PRRG3: variants seen among roughly 807,000 people sequenced by gnomAD.
The protein encoded by PRRG3 is proline rich and Gla domain 3.
PRRG3 carries 21 observed loss-of-function variants against 15.8 expected under a neutral mutation model. The observed-to-expected ratio is 1.33, with a 90% CI of 0.94 to 1.92. The LOEUF is 1.92. Among genes scored for constraint, PRRG3 ranks in the 40% most tolerant of loss-of-function variants. PRRG3 has a pLI of 0.00. For missense variants in PRRG3, 251 were observed against 200.2 expected, an observed-to-expected ratio of 1.25 and a Z score of -1.53; for synonymous variants, 125 against 84.1, an observed-to-expected ratio of 1.49 and a Z score of -2.66.
At chrX:151,696,664 C>G (rs2014765528) in intron 1 of PRRG3, among the ~76,000 whole-genome samples, 1 of 111,275 alleles carries the variant, frequency 9.0e-6, no homozygotes, top group Admixed American at 9.6e-5. Flanking sequence ...GCATTCTTCT[C>G]AAACCCAGAT....
rs1569423181 is a variant in PRRG3 at position 151,704,255 on chromosome X, A to G, written c.*3222A>G. 9.1e-6 allele frequency: 1 copy of G among 110,329 alleles called. No individual in the cohort carries two copies. Among genetic ancestry groups the G allele is most frequent in the Non-Finnish European group, 1.9e-5 (1 of 52,856 alleles). The allele number at this position is 110,329 out of a possible 1,213,427, so 9.1% of individuals were successfully genotyped here. ...CCTGGCTGAGGGAGACGCAGTGCTG[A>G]GCAGTCAGCCCCGGGAGGCCTCTTT... On this transcript the variant is annotated 3_prime_UTR_variant, in exon 4 of 4. Transcript: ENST00000674457.
At chrX:151,699,874 C>A in intron 2 of PRRG3, 122 bp from the exon 3 acceptor site, 1 of 717,165 alleles carries the variant, frequency 1.4e-6, no homozygotes, top group Non-Finnish European at 2.0e-6. Flanking sequence ...AGCCTGGTGT[C>A]TTGCCTGCTC....
Position 151,705,578 on chromosome X carries a change from T to A in PRRG3, c.*4545T>A. 1 of 253,750 alleles carries A rather than the reference T, an allele frequency of 3.9e-6. No individual in the cohort carries two copies. The highest frequency in any genetic ancestry group is 7.7e-6 in the Non-Finnish European group (1 of 130,426). The allele number at this position is 253,750 out of a possible 1,213,427, so 20.9% of individuals were successfully genotyped here. ...CCATCTCCCCTCATCGATACCAATT[T>A]CCCAGGCCTGAACACATCTGTTATT... On this transcript the variant is annotated 3_prime_UTR_variant, in exon 4 of 4. Transcript: ENST00000674457.
At position 151,703,856 on chromosome X, in the gene PRRG3, GGTTTTTTTTTTTTTTT is replaced by G. The variant is rs2014926946; in HGVS notation, c.*2824_*2839del. ...AAGAAATCTGAGTACTCCTGGGCAT[GGTTTTTTTTTTTTTTT>G]TTTTTTTTTTTTTTTTTTTTTTTTT... On this transcript the variant is annotated 3_prime_UTR_variant, in exon 4 of 4. Coordinates refer to ENST00000674457, the MANE Select transcript of PRRG3 (RefSeq NM_001372163.1). 2.2e-4 allele frequency: 2 copies of G among 8,957 alleles called. No homozygotes were observed. The highest frequency in any genetic ancestry group is 3.1e-4 in the African/African-American group (2 of 6,507). 0.7% of individuals were successfully genotyped at this position (8,957 alleles called of 1,213,427 possible). A position where few individuals can be genotyped will look rare whatever the true frequency, so the allele number is the denominator to read the frequency against.
At position 151,700,827 on chromosome X, in the gene PRRG3, G is replaced by T. The variant is rs1481416535; in HGVS notation, c.490G>T (p.Gly164Trp). 1.4e-5 allele frequency: 17 copies of T among 1,194,448 alleles called. No homozygotes were observed. The highest frequency in any genetic ancestry group is 5.5e-5 in the South Asian group (3 of 55,027). ...CCAGGTGGTGCTGGGGCCCAGTCGG[G>T]GGGGCAGGACCACAGTCCGGCTAGA... ...SPQVVLGPSR[G>W]GRTTVRLEST... is the part of the protein sequence containing the mutation. The change falls in exon 4 of 4, where the codon GGG becomes TGG. Residue 164 changes from glycine (G) to tryptophan (W), a missense_variant. Gly to Trp is a radical substitution (Grantham distance 184, BLOSUM62 -2). Transcript: ENST00000674457.
chrX:151,697,016 T>C (rs1234755016), intron 1 of PRRG3, among the ~76,000 whole-genome samples: 1 of 107,903 alleles, frequency 9.3e-6, no homozygotes, highest in Non-Finnish European at 1.9e-5. Context: ...TTTCTTTCTT[T>C]CTTCCTTCCT....
chrX:151,699,904 C>A (rs1163493156), intron 2 of PRRG3, 92 bp from the exon 3 acceptor site: 6 of 940,483 alleles, frequency 6.4e-6, no homozygotes, highest in African/African-American at 3.9e-5. Flanking sequence ...TGTTTCCCTG[C>A]ATAATTATGC....
At position 151,701,163 on chromosome X, in the gene PRRG3, T is replaced by G; in HGVS notation, c.*130T>G. 1.6e-6 allele frequency: 1 copy of G among 614,624 alleles called. No individual in the cohort carries two copies. The allele number at this position is 614,624 out of a possible 1,213,427, so 50.7% of individuals were successfully genotyped here. A position where few individuals can be genotyped will look rare whatever the true frequency, so the allele number is the denominator to read the frequency against. ...TTGTTGCCAAATAATTCCCTAACTGTGGAGTTTTAGGAAGTCAGTTGTCAG... is the reference window on the plus strand; with the variant it reads ...TTGTTGCCAAATAATTCCCTAACTGGGGAGTTTTAGGAAGTCAGTTGTCAG... On this transcript the variant is annotated 3_prime_UTR_variant, in exon 4 of 4. Coordinates refer to ENST00000674457, the MANE Select transcript of PRRG3 (RefSeq NM_001372163.1).
Position 151,705,134 on chromosome X carries a change from C to T in PRRG3, c.*4101C>T, listed in dbSNP as rs148849386. 196 of 277,804 alleles carry T rather than the reference C, an allele frequency of 7.1e-4. No individual in the cohort carries two copies. In the East Asian group the frequency reaches 0.017, roughly 24 times the overall value. 22.9% of individuals were successfully genotyped at this position (277,804 alleles called of 1,213,427 possible). On this transcript the variant is annotated 3_prime_UTR_variant, in exon 4 of 4. Coordinates refer to ENST00000674457, the MANE Select transcript of PRRG3 (RefSeq NM_001372163.1). ...TGTACAGGGTGATCTCTTGTTCTCT[C>T]TCCATCACAGGGATGTTGGATATTG...
chrX:151,700,088 C>A lies in PRRG3; in HGVS notation c.100C>A (p.Arg34=), dbSNP rs774255267. The change falls in exon 3 of 4, where the codon CGA becomes AGA. Residue 34 remains arginine, a synonymous_variant. Transcript: ENST00000674457. ...LEELRQGTIE[R]ECMEEICSYE... is the part of the protein sequence containing the mutation. The stretch of plus-strand genomic sequence containing the variant: ...GGAGCTGCGCCAGGGCACCATCGAG[C>A]GAGAGTGCATGGAGGAGATCTGCAG... The A allele has an allele frequency of 1.1e-4, 139 of 1,210,184 alleles. No individual in the cohort carries two copies. The highest frequency in any genetic ancestry group is 1.5e-4 in the Non-Finnish European group (134 of 895,281).
intron 1 of PRRG3, among the ~76,000 whole-genome samples, chrX:151,697,269 CCT>C (rs2014783621): frequency 3.7e-5 from 4 of 109,507 alleles, no homozygotes; most frequent in Non-Finnish European, 7.6e-5. Context: ...AAGCGATTCC[CCT>C]GTCTCAGCCT....
rs1251184674 is a variant in PRRG3 at position 151,701,244 on chromosome X, G to A, written c.*211G>A. 3.1e-6 allele frequency: 1 copy of A among 318,548 alleles called. No individual in the cohort carries two copies. Among genetic ancestry groups the A allele is most frequent in the Non-Finnish European group, 5.3e-6 (1 of 187,666 alleles). 26.3% of individuals were successfully genotyped at this position (318,548 alleles called of 1,213,427 possible). ...ACGCATGAGTCGAAGCCCCCGGGAAGAGCCAAAGGCCAAAGTGCCCAACTC... is the reference window on the plus strand; with the variant it reads ...ACGCATGAGTCGAAGCCCCCGGGAAAAGCCAAAGGCCAAAGTGCCCAACTC... On this transcript the variant is annotated 3_prime_UTR_variant, in exon 4 of 4. Coordinates refer to ENST00000674457, the MANE Select transcript of PRRG3 (RefSeq NM_001372163.1).
chrX:151,700,263 C>T (rs760800367), intron 3 of PRRG3, 107 bp downstream of exon 3: 1 of 1,191,699 alleles, frequency 8.4e-7, no homozygotes, highest in East Asian at 3.0e-5. Context: ...GACACCCAGC[C>T]TAAGGCATAG....
intron 1 of PRRG3, among the ~76,000 whole-genome samples, chrX:151,696,474 CAT>C (rs1310578901): frequency 1.8e-5 from 2 of 110,790 alleles, no homozygotes; most frequent in Non-Finnish European, 3.8e-5. Flanking sequence ...GTCAGGATAA[CAT>C]GTATTCGGGT....
At position 151,700,676 on chromosome X, in the gene PRRG3, C is replaced by G. The variant is rs939232157; in HGVS notation, c.339C>G (p.Pro113=). 6.6e-6 allele frequency: 8 copies of G among 1,211,433 alleles called. No individual in the cohort carries two copies. The highest frequency in any genetic ancestry group is 7.8e-6 in the Non-Finnish European group (7 of 895,332). The change falls in exon 4 of 4, where the codon CCC becomes CCG. Residue 113 remains proline, a synonymous_variant. Coordinates refer to ENST00000674457, the MANE Select transcript of PRRG3 (RefSeq NM_001372163.1). ...TGCAGAAAGCGACCCGTCACCACCC[C>G]TCCTATGCTCAGAACCGGTACCTAG... The part of the protein sequence containing the change: ...CQLQKATRHH[P]SYAQNRYLAS...
Position 151,701,185 on chromosome X carries a change from T to A in PRRG3, c.*152T>A. On this transcript the variant is annotated 3_prime_UTR_variant, in exon 4 of 4. Transcript: ENST00000674457. ...CTGTGGAGTTTTAGGAAGTCAGTTG[T>A]CAGAGACAGGTGGGGAGGGTGGGGG... 2.0e-6 allele frequency: 1 copy of A among 503,050 alleles called. No homozygotes were observed. Among genetic ancestry groups the A allele is most frequent in the Non-Finnish European group, 2.9e-6 (1 of 345,309 alleles). The allele number at this position is 503,050 out of a possible 1,213,427, so 41.5% of individuals were successfully genotyped here. A position where few individuals can be genotyped will look rare whatever the true frequency, so the allele number is the denominator to read the frequency against.
At chrX:151,696,619 G>T (rs1413638370) in intron 1 of PRRG3, among the ~76,000 whole-genome samples, 1 of 110,970 alleles carries the variant, frequency 9.0e-6, no homozygotes, top group Non-Finnish European at 1.9e-5. Context: ...CCTTTGATAA[G>T]CATATTTTTC....
rs898313552 is a variant in PRRG3, at chrX:151,700,919, C to T, written c.582C>T (p.Tyr194=). The T allele has an allele frequency of 7.4e-6, 9 of 1,208,273 alleles. No individual in the cohort carries two copies. In the East Asian group the frequency reaches 8.9e-5, roughly 12 times the overall value. ...CCAGCACCACCCCTCCCCCCTCCTACGAGGAGGTGACTGCGCCCCAAGAGA... is the reference window on the plus strand; with the variant it reads ...CCAGCACCACCCCTCCCCCCTCCTATGAGGAGGTGACTGCGCCCCAAGAGA... ...RLSSTTPPPS[Y]EEVTAPQESS... is the part of the protein sequence containing the mutation. The change falls in exon 4 of 4, where the codon TAC becomes TAT. Residue 194 remains tyrosine, a synonymous_variant. Transcript: ENST00000674457.
chrX:151,700,306 G>A (rs775328121), intron 3 of PRRG3, 150 bp downstream of exon 3: 21 of 1,152,596 alleles, frequency 1.8e-5, no homozygotes, highest in South Asian at 6.2e-5. Flanking sequence ...GATAAAGTAC[G>A]TACAGTCCCA....
Sources: gnomAD v4.1 joint callset for allele counts (sites outside exome capture counted in the v4.1 genomes callset) on GRCh38, gnomAD v4.1.1 for gene constraint, MANE v1.5 for transcripts, NCBI Gene and HGNC (gene_info 2026-07-23, HGNC 2026-07-21) for gene names.